Variants in TSC22D1 observed in about 807,000 individuals in gnomAD.
TSC22D1 encodes TSC22 domain family member 1.
A neutral mutation model predicts 74.2 loss-of-function variants in TSC22D1; 9 were observed. That is an observed-to-expected ratio of 0.12 (90% confidence interval 0.07 to 0.21). The LOEUF is 0.21. Ranked by LOEUF, TSC22D1 falls within the 10% of genes least tolerant of loss-of-function variation. The pLI is 1.00. For missense variants in TSC22D1, 1,427 were observed against 1,304.7 expected (o/e 1.09, Z -1.44); for synonymous variants, 586 against 492.5 (o/e 1.19, Z -2.51).
At chr13:44,573,106 CTAAA>C (rs556388677) in intron 1 of TSC22D1, 53 bp downstream of exon 1, 289 of 1,570,688 alleles carry the variant, frequency 1.8e-4, no homozygotes, top group African/African-American at 8.9e-4. Flanking sequence ...CATATAGCTA[CTAAA>C]TAGATTAACT....
At chr13:44,538,542 C>T (rs1297860540) in intron 1 of TSC22D1, 6 of 985,162 alleles carry the variant, frequency 6.1e-6, no homozygotes, top group South Asian at 4.7e-5. Context: ...TACAGAGAGC[C>T]GCTTTTAAAA....
chr13:44,574,898 C>G lies in TSC22D1; in HGVS notation c.1177G>C (p.Val393Leu). 6.2e-7 allele frequency: 1 copy of G among 1,614,140 alleles called. No homozygotes were observed. The highest frequency in any genetic ancestry group is 8.5e-7 in the Non-Finnish European group (1 of 1,180,042). Residue 393 changes from valine (V) to leucine (L), a missense_variant, in exon 1 of 3, where the codon GTT becomes CTT. Val to Leu is a conservative substitution (Grantham distance 32). This residue lies in a region of TSC22D1 where 1,343 missense variants were observed against 1,191.5 expected (regional missense o/e 1.13). Coordinates refer to ENST00000458659, the MANE Select transcript of TSC22D1 (RefSeq NM_183422.4). ...NAAAGMTGGSVSSQQQQPTVN... is the reference protein window; with the variant it reads ...NAAAGMTGGSLSSQQQQPTVN... ...GTTGGTTGTTGCTGCTGACTTGAAACCGATCCCCCAGTCATCCCTGCAGCT... is the reference window on the plus strand; with the variant it reads ...GTTGGTTGTTGCTGCTGACTTGAAAGCGATCCCCCAGTCATCCCTGCAGCT...
intron 1 of TSC22D1, among the ~76,000 whole-genome samples, chr13:44,517,440 G>T (rs2138027515): frequency 6.6e-6 from 1 of 151,696 alleles, no homozygotes; most frequent in Middle Eastern, 3.4e-3. Flanking sequence ...TTTCCCACAA[G>T]AAATTATCTA....
chr13:44,509,442 C>T (rs1879586046), intron 1 of TSC22D1, among the ~76,000 whole-genome samples: 1 of 152,206 alleles, frequency 6.6e-6, no homozygotes, highest in African/African-American at 2.4e-5. Context: ...AGTTTGAGAC[C>T]AGTCTGGTCA....
At chr13:44,448,543 C>A (rs1425245080) in intron 1 of TSC22D1, among the ~76,000 whole-genome samples, 3 of 152,192 alleles carry the variant, frequency 2.0e-5, no homozygotes, top group Non-Finnish European at 4.4e-5. Flanking sequence ...TAAGCATTAA[C>A]ACATTGGCAA....
At chr13:44,494,236 C>T (rs953999030) in intron 1 of TSC22D1, among the ~76,000 whole-genome samples, 22 of 151,652 alleles carry the variant, frequency 1.5e-4, no homozygotes, top group Admixed American at 1.2e-3. Context: ...ATTAGCCAGG[C>T]GTAGTGGTGT....
At position 44,470,398 on chromosome 13, in the gene TSC22D1, T is replaced by C. The variant is rs549089662; in HGVS notation, c.2913-34303A>G. 2.0e-5 allele frequency among the ~76,000 whole-genome samples: 3 copies of C among 152,282 alleles called. No individual in the cohort carries two copies. In the South Asian group the frequency reaches 6.2e-4, roughly 32 times the overall value. ...GCTCTCCAATTACCAGAGCAGGTAATTGGATTCGAAAGGAAAATAGATTCG... is the reference window on the plus strand; with the variant it reads ...GCTCTCCAATTACCAGAGCAGGTAACTGGATTCGAAAGGAAAATAGATTCG... On this transcript the variant is annotated intron_variant, in intron 1 of 2. Transcript: ENST00000458659.
chr13:44,556,964 A>G (rs1882687474), intron 1 of TSC22D1, among the ~76,000 whole-genome samples: 1 of 151,090 alleles, frequency 6.6e-6, no homozygotes, highest in Admixed American at 6.6e-5. Flanking sequence ...ACCAACATGG[A>G]GAAACCCCAT....
intron 1 of TSC22D1, among the ~76,000 whole-genome samples, chr13:44,496,607 C>T (rs1285881418): frequency 1.3e-5 from 2 of 152,052 alleles, no homozygotes; most frequent in African/African-American, 2.4e-5. Context: ...ATCACTGGAA[C>T]CCGAGAGGTG....
In TSC22D1 at chr13:44,574,440, T is replaced by C. The variant is rs773158599; in HGVS notation, c.1635A>G (p.Ser545=). The change falls in exon 1 of 3, where the codon TCA becomes TCG. Residue 545 remains serine, a synonymous_variant. Coordinates refer to ENST00000458659, the MANE Select transcript of TSC22D1 (RefSeq NM_183422.4). ...IPQSISQSQI[S]QVQLQSQELS... is the part of the protein sequence containing the mutation. The stretch of plus-strand genomic sequence containing the variant: ...GTTCTTGAGACTGTAATTGTACTTG[T>C]GAGATCTGTGACTGAGAAATACTCT... 2.5e-6 allele frequency: 4 copies of C among 1,612,210 alleles called. No individual in the cohort carries two copies. The South Asian group carries it at 4.4e-5, about 18-fold the overall frequency.
intron 1 of TSC22D1, among the ~76,000 whole-genome samples, chr13:44,550,951 AT>A (rs1169967887): frequency 2.0e-5 from 3 of 148,578 alleles, no homozygotes; most frequent in Admixed American, 1.3e-4. Context: ...AAAAAAAAAA[AT>A]AAAAATAAAC....
chr13:44,494,054 G>A (rs893493431), intron 1 of TSC22D1, among the ~76,000 whole-genome samples: 1 of 151,886 alleles, frequency 6.6e-6, no homozygotes, highest in East Asian at 1.9e-4. Context: ...AACACAGCAC[G>A]ACATCATCTC....
chr13:44,449,251 C>T (rs1420364396), intron 1 of TSC22D1, among the ~76,000 whole-genome samples: 2 of 152,236 alleles, frequency 1.3e-5, no homozygotes, highest in Non-Finnish European at 2.9e-5. Context: ...GCTCTCCAGG[C>T]ACTGGGACAA....
chr13:44,450,889 G>A (rs149333747), intron 1 of TSC22D1, among the ~76,000 whole-genome samples: 18 of 152,318 alleles, frequency 1.2e-4, no homozygotes, highest in African/African-American at 3.8e-4. Context: ...AGAGATGGTG[G>A]AGCTGGGCGG....
At position 44,573,739 on chromosome 13, in the gene TSC22D1, G is replaced by A; in HGVS notation, c.2336C>T (p.Thr779Ile). Residue 779 changes from threonine to isoleucine, a missense_variant, in exon 1 of 3, where the codon ACT becomes ATT. Thr to Ile is a moderately conservative substitution (Grantham distance 89, BLOSUM62 -1). Around this residue, in one of 3 missense-constraint regions of TSC22D1, gnomAD observed 1,343 missense variants for 1,191.5 expected, o/e 1.13. Transcript: ENST00000458659. ...TTGTTGAGGAAGGCTTGGAGCACTAGTTTGAACTCCCTGATGAATAATCCC... is the reference window on the plus strand; with the variant it reads ...TTGTTGAGGAAGGCTTGGAGCACTAATTTGAACTCCCTGATGAATAATCCC... ...QTGIIHQGVQ[T>I]SAPSLPQQLV... is the part of the protein sequence containing the mutation. 1 of 1,614,232 alleles carries A rather than the reference G, an allele frequency of 6.2e-7. No homozygotes were observed. The highest frequency in any genetic ancestry group is 1.1e-5 in the South Asian group (1 of 91,088).
chr13:44,564,651 A>G (rs1055749695), intron 1 of TSC22D1, among the ~76,000 whole-genome samples: 3 of 152,210 alleles, frequency 2.0e-5, no homozygotes, highest in Non-Finnish European at 4.4e-5. Flanking sequence ...ACAGAAAGAA[A>G]TTACCTTAAA....
Position 44,551,391 on chromosome 13 carries a change from T to G in TSC22D1, c.2912+21772A>C, listed in dbSNP as rs766557253. On this transcript the variant is annotated intron_variant, in intron 1 of 2. Transcript: ENST00000458659. ...AAACCCAAAACCCCAATCAGATGGG[T>G]GTGTGTGTGTGTGTGTGTGTGTGTG... is the stretch of plus-strand genomic sequence containing the variant. Among the ~76,000 whole-genome samples the G allele has an allele frequency of 8.8e-3, 452 of 51,484 alleles. 15 individuals are homozygous for G. In the East Asian group the frequency reaches 0.13, roughly 15 times the overall value. 33.8% of individuals were successfully genotyped at this position (51,484 alleles called of 152,430 possible).
chr13:44,435,159 G>A, intron 2 of TSC22D1: 1 of 340,072 alleles, frequency 2.9e-6, no homozygotes, highest in Non-Finnish European at 5.3e-6. Context: ...GCCAGAGCCG[G>A]GCGCTGGGTC....
intron 1 of TSC22D1, among the ~76,000 whole-genome samples, chr13:44,553,115 A>G (rs1218457194): frequency 6.6e-6 from 1 of 152,190 alleles, no homozygotes; most frequent in Non-Finnish European, 1.5e-5. Flanking sequence ...TACATGACCA[A>G]CGACATTTCT....
Sources: gnomAD v4.1 joint callset for allele counts (sites outside exome capture counted in the v4.1 genomes callset) on GRCh38, gnomAD v4.1.1 for gene constraint, gnomAD v4.1.1 regional missense constraint, MANE v1.5 for transcripts, NCBI Gene and HGNC (gene_info 2026-07-23, HGNC 2026-07-21) for gene names.